NOC3L: variants seen among roughly 807,000 people sequenced by gnomAD.
NOC3L encodes nucleolar complex protein 3 homolog.
In NOC3L, 85 loss-of-function variants were observed where a neutral mutation model predicts 102.5. The observed-to-expected ratio is 0.83, with a 90% confidence interval of 0.70 to 0.99. The LOEUF is 0.99. Among genes scored for constraint, NOC3L ranks in the 50% least tolerant of loss-of-function variants. The pLI, the probability that NOC3L is intolerant of heterozygous loss-of-function variation, is 0.00. For synonymous variants in NOC3L, 303 were observed against 309.4 expected (o/e 0.98, Z 0.22); for missense variants, 878 against 914.9 (o/e 0.96, Z 0.52).
chr10:94,340,225 A>C (rs757909416), intron 16 of NOC3L, 51 bp downstream of exon 16: 8 of 1,457,100 alleles, frequency 5.5e-6, no homozygotes, highest in Non-Finnish European at 7.6e-6. Context: ...GTCATAACAT[A>C]TTCTTAAAAC....
the NOC3L span, chr10:94,316,717 G>C: frequency 6.2e-7 from 1 of 1,614,012 alleles, no homozygotes; most frequent in Admixed American, 1.7e-5. Context: ...TTCCAGAAGA[G>C]GGATACATGG....
chr10:94,316,524 G>C, the NOC3L span: 5 of 1,542,396 alleles, frequency 3.2e-6, no homozygotes, highest in Non-Finnish European at 4.5e-6. Context: ...TCACTCCTCA[G>C]TTTGCCTTCA....
At chr10:94,327,952 G>C in the NOC3L span, 1 of 532,074 alleles carries the variant, frequency 1.9e-6, no homozygotes, top group Non-Finnish European at 3.9e-6. Flanking sequence ...ATAAGCCTCT[G>C]TATACAACAT....
chr10:94,344,972 A>G, intron 11 of NOC3L, 39 bp from the exon 12 acceptor site: 3 of 1,447,658 alleles, frequency 2.1e-6, no homozygotes, highest in Non-Finnish European at 2.8e-6. Context: ...AAGAGCATAT[A>G]CCACAGAGTG....
At chr10:94,350,380 A>G in intron 8 of NOC3L, 92 bp from the exon 9 acceptor site, 1 of 1,046,346 alleles carries the variant, frequency 9.6e-7, no homozygotes. Context: ...TTTAACACAC[A>G]TAAACACACA....
chr10:94,356,507 C>T (rs760034957), intron 5 of NOC3L, 28 bp downstream of exon 5: 1 of 1,433,874 alleles, frequency 7.0e-7, no homozygotes, highest in Non-Finnish European at 9.8e-7. Flanking sequence ...TCTCAATTAA[C>T]AATTTAGTAA....
In NOC3L at chr10:94,357,350, T is replaced by A; in HGVS notation, c.351-19A>T. On this transcript the variant is annotated intron_variant, in intron 3 of 20. Transcript: ENST00000371361. Reference sequence around the variant, plus strand: ...AGGCTCACTGCAGGGGAAAAAAAGATCAATTTTCAGTCTTAATAGATCTAA... The same window carrying A: ...AGGCTCACTGCAGGGGAAAAAAAGAACAATTTTCAGTCTTAATAGATCTAA... 1.9e-6 allele frequency: 3 copies of A among 1,547,626 alleles called. No individual in the cohort carries two copies. The highest frequency in any genetic ancestry group is 2.6e-6 in the Non-Finnish European group (3 of 1,150,866).
intron 19 of NOC3L, among the ~76,000 whole-genome samples, chr10:94,336,618 G>A (rs187758795): frequency 6.6e-6 from 1 of 151,808 alleles, no homozygotes; most frequent in African/African-American, 2.4e-5. Context: ...AAAGTGCTGG[G>A]ATTACAGGCG....
At chr10:94,319,864 C>CCTTTTT in the NOC3L span, among the ~76,000 whole-genome samples, 4 of 92,914 alleles carry the variant, frequency 4.3e-5, no homozygotes, top group African/African-American at 1.5e-4. Flanking sequence ...CAAAGGTGCT[C>CCTTTTT]TTTTTTTTTT....
chr10:94,323,700 A>G, the NOC3L span, among the ~76,000 whole-genome samples: 3 of 152,236 alleles, frequency 2.0e-5, no homozygotes, highest in Non-Finnish European at 2.9e-5. Context: ...AACTTAGTTA[A>G]TATTAGCCAT....
rs149085224 is a variant in NOC3L at position 94,353,135 on chromosome 10, G to A, written c.697-78C>T. On this transcript the variant is annotated intron_variant, in intron 6 of 20. Transcript: ENST00000371361. The stretch of plus-strand genomic sequence containing the variant: ...AACAAAAGACAACAGCCCCACATCC[G>A]GCAAAACAAGCGGAATTCACACAAT... The A allele has an allele frequency of 7.6e-4, 902 of 1,191,984 alleles. No individual in the cohort carries two copies. The African/African-American group carries it at 0.012, about 16-fold the overall frequency. 73.8% of individuals were successfully genotyped at this position (1,191,984 alleles called of 1,614,324 possible).
At chr10:94,343,439 C>T (rs748270621) in intron 13 of NOC3L, among the ~76,000 whole-genome samples, 5 of 152,150 alleles carry the variant, frequency 3.3e-5, no homozygotes, top group Admixed American at 6.5e-5. Flanking sequence ...CCTTCTCTGA[C>T]CAGCCTCTCT....
At chr10:94,324,842 A>G in the NOC3L span, 12 of 1,556,096 alleles carry the variant, frequency 7.7e-6, no homozygotes, top group African/African-American at 1.4e-5. Context: ...CATGTGACAG[A>G]GGAACCTGAG....
chr10:94,341,831 T>A (rs2054289157), intron 13 of NOC3L, 86 bp from the exon 14 acceptor site: 2 of 697,410 alleles, frequency 2.9e-6, no homozygotes, highest in Middle Eastern at 5.2e-4. Context: ...AACTGTATTT[T>A]TAATATTCTT....
the NOC3L span, chr10:94,321,945 C>A: frequency 6.2e-7 from 1 of 1,613,764 alleles, no homozygotes; most frequent in African/African-American, 1.3e-5. Context: ...AAGAGGTGAT[C>A]TTGAGCTCAG....
chr10:94,360,722 A>G lies in NOC3L; in HGVS notation c.217+943T>C, dbSNP rs543287971. ...GTATAACTGGATTGTTCGTAACACA[A>G]AGATAAATGCTTGAGGTGATGGATA... is the stretch of plus-strand genomic sequence containing the variant. On this transcript the variant is annotated intron_variant, in intron 2 of 20. Coordinates refer to ENST00000371361, the MANE Select transcript of NOC3L (RefSeq NM_022451.11). 4.6e-5 allele frequency among the ~76,000 whole-genome samples: 7 copies of G among 152,316 alleles called. No homozygotes were observed. In the South Asian group the frequency reaches 1.5e-3, roughly 32 times the overall value.
At chr10:94,319,848 G>A in the NOC3L span, among the ~76,000 whole-genome samples, 1 of 129,194 alleles carries the variant, frequency 7.7e-6, no homozygotes, top group Admixed American at 7.7e-5. Flanking sequence ...AGCTCTGAGG[G>A]AGGCTCAAAG....
chr10:94,315,892 G>T, the NOC3L span, among the ~76,000 whole-genome samples: 6 of 151,520 alleles, frequency 4.0e-5, no homozygotes, highest in African/African-American at 1.5e-4. Flanking sequence ...TATTTCCATT[G>T]TGTAGATCGG....
intron 5 of NOC3L, 74 bp downstream of exon 5, chr10:94,356,461 T>TA (rs1453027815): frequency 2.2e-6 from 2 of 891,182 alleles, no homozygotes; most frequent in African/African-American, 3.3e-5. Flanking sequence ...AGATTTCATC[T>TA]AAAATTAACT....
Sources: gnomAD v4.1 joint callset for allele counts (sites outside exome capture counted in the v4.1 genomes callset) on GRCh38, gnomAD v4.1.1 for gene constraint, MANE v1.5 for transcripts, NCBI Gene and HGNC (gene_info 2026-07-23, HGNC 2026-07-21) for gene names.